Variants in NRL observed in about 807,000 individuals in gnomAD.
NRL encodes neural retina-specific leucine zipper protein.
In NRL, 16 loss-of-function variants were observed where a neutral mutation model predicts 12.5. The ratio of observed to expected loss-of-function variants is 1.28; its 90% confidence interval spans 0.87 to 1.95. NRL has a LOEUF of 1.95. NRL is among the 30% of genes most tolerant of loss of function. The pLI, the probability that NRL is intolerant of heterozygous loss-of-function variation, is 0.00. For missense variants in NRL, 314 were observed against 325.8 expected, an observed-to-expected ratio of 0.96 and a Z score of 0.28; for synonymous variants, 142 against 150.9, an observed-to-expected ratio of 0.94 and a Z score of 0.43.
intron 1 of NRL, among the ~76,000 whole-genome samples, chr14:24,105,761 T>C (rs1381425471): frequency 6.6e-6 from 1 of 152,146 alleles, no homozygotes; most frequent in African/African-American, 2.4e-5. Context: ...TCTACAAAAA[T>C]ACAAAAATTA....
chr14:24,110,337 G>A (rs2037400276), intron 1 of NRL: 2 of 397,624 alleles, frequency 5.0e-6, no homozygotes, highest in Non-Finnish European at 1.0e-5. Flanking sequence ...TCAAATTCCT[G>A]TGGTCAAGCG....
At position 24,094,091 on chromosome 14, in the gene NRL, C is replaced by T. The variant is rs1375056822; in HGVS notation, c.-27-11216G>A. The T allele has an allele frequency of 3.8e-6, 2 of 532,836 alleles. No individual in the cohort carries two copies. Among genetic ancestry groups the T allele is most frequent in the South Asian group, 2.4e-5 (1 of 41,246 alleles). The allele number at this position is 532,836 out of a possible 1,614,324, so 33.0% of individuals were successfully genotyped here. A position where few individuals can be genotyped will look rare whatever the true frequency, so the allele number is the denominator to read the frequency against. ...CGGATGGGGGGCGGGGCCTCGAAGT[C>T]GGGGGCCGAAGAGTGGACCCAGTCC... On this transcript the variant is annotated intron_variant, in intron 1 of 2. Coordinates refer to ENST00000561028, the MANE Select transcript of NRL (RefSeq NM_001354768.3). The surrounding 1 kb of genome is among the most constrained non-coding windows in gnomAD (Gnocchi z 4.1).
chr14:24,095,368 AACAG>A, intron 1 of NRL: 1 of 400,312 alleles, frequency 2.5e-6, no homozygotes, highest in South Asian at 1.8e-5. Flanking sequence ...CTGAGGCAGG[AACAG>A]ACCCAGGTCC....
Position 24,094,475 on chromosome 14 carries a change from T to C in NRL, c.-27-11600A>G. Reference sequence around the variant, plus strand: ...CCCGGGGCCCACCCGCACCTTCCGCTGCGCTCGCCCCCTCGGGGCTGCCAG... The same window carrying C: ...CCCGGGGCCCACCCGCACCTTCCGCCGCGCTCGCCCCCTCGGGGCTGCCAG... On this transcript the variant is annotated intron_variant, in intron 1 of 2. Transcript: ENST00000561028. The surrounding 1 kb of genome is among the most constrained non-coding windows in gnomAD (Gnocchi z 4.1). 1 of 1,498,070 alleles carries C rather than the reference T, an allele frequency of 6.7e-7. No individual in the cohort carries two copies. Among genetic ancestry groups the C allele is most frequent in the African/African-American group, 1.4e-5 (1 of 70,100 alleles). 92.8% of individuals were successfully genotyped at this position (1,498,070 alleles called of 1,614,324 possible).
rs944404119 is a variant in NRL, at chr14:24,099,224, A to G, written c.-28+15498T>C. 1.4e-5 allele frequency: 23 copies of G among 1,595,444 alleles called. 1 individual carries two copies. In the African/African-American group the frequency reaches 1.7e-4, roughly 12 times the overall value. On this transcript the variant is annotated intron_variant, in intron 1 of 2. Coordinates refer to ENST00000561028, the MANE Select transcript of NRL (RefSeq NM_001354768.3). Reference sequence around the variant, plus strand: ...TGGCCCGGGATGAGGGCTGGCTGGCAGAGCACATGCTGGTGAGGGCCTGGT... The same window carrying G: ...TGGCCCGGGATGAGGGCTGGCTGGCGGAGCACATGCTGGTGAGGGCCTGGT...
chr14:24,107,808 G>GAC (rs1179668076), intron 1 of NRL, among the ~76,000 whole-genome samples: 1 of 152,128 alleles, frequency 6.6e-6, no homozygotes, highest in Non-Finnish European at 1.5e-5. Context: ...TTATAAAATG[G>GAC]ACACTTCTAT....
At chr14:24,090,904 T>G (rs1457530652) in intron 1 of NRL, among the ~76,000 whole-genome samples, 1 of 152,212 alleles carries the variant, frequency 6.6e-6, no homozygotes, top group African/African-American at 2.4e-5. Context: ...ACTCATTCAT[T>G]CTTTTATTCA....
chr14:24,086,274 C>A (rs1001432902), intron 1 of NRL, among the ~76,000 whole-genome samples: 2 of 152,182 alleles, frequency 1.3e-5, no homozygotes, highest in Non-Finnish European at 2.9e-5. Flanking sequence ...CTGCAGTCTA[C>A]CCAGCTTCCC....
In NRL at chr14:24,082,785, C is replaced by T; in HGVS notation, c.64G>A (p.Glu22Lys). 6.2e-7 allele frequency: 1 copy of T among 1,614,178 alleles called. No individual in the cohort carries two copies. The highest frequency in any genetic ancestry group is 1.1e-5 in the South Asian group (1 of 91,080). ...YVNDFDLMKFEVKREPSEGRP... is the reference protein window; with the variant it reads ...YVNDFDLMKFKVKREPSEGRP... Reference sequence around the variant, plus strand: ...CCCTCAGAGGGTTCCCGCTTTACCTCAAACTTCATCAAGTCAAAGTCATTG... The same window carrying T: ...CCCTCAGAGGGTTCCCGCTTTACCTTAAACTTCATCAAGTCAAAGTCATTG... Residue 22 changes from glutamate to lysine, a missense_variant, in exon 2 of 3, where the codon GAG becomes AAG. Transcript: ENST00000561028.
At position 24,098,523 on chromosome 14, in the gene NRL, C is replaced by T. The variant is rs775144169; in HGVS notation, c.-27-15648G>A. The T allele has an allele frequency of 2.7e-5, 43 of 1,614,004 alleles. No homozygotes were observed. Among genetic ancestry groups the T allele is most frequent in the Middle Eastern group, 3.3e-4 (2 of 6,084 alleles). ...TTCAGCATGGGTCCTGTGGGCTCCC[C>T]GCTGTCCCGCATCGGGGTGCAGCTC... On this transcript the variant is annotated intron_variant, in intron 1 of 2. Coordinates refer to ENST00000561028, the MANE Select transcript of NRL (RefSeq NM_001354768.3).
At chr14:24,097,288 C>A in intron 1 of NRL, 1 of 736,312 alleles carries the variant, frequency 1.4e-6, no homozygotes, top group Non-Finnish European at 2.2e-6. Context: ...GATTTGCTTA[C>A]GCCTATAATC....
At chr14:24,098,891 A>T (rs187144174) in intron 1 of NRL, among the ~76,000 whole-genome samples, 1 of 152,328 alleles carries the variant, frequency 6.6e-6, no homozygotes, top group Non-Finnish European at 1.5e-5. Flanking sequence ...GAATAGGGGC[A>T]TGGAAGCTGA....
chr14:24,082,578 TCAGCCCCAATGCCTCCC>T lies in NRL; in HGVS notation c.254_270del (p.Gly85GlufsTer3), dbSNP rs1467204253. 2.5e-6 allele frequency: 4 copies of T among 1,613,702 alleles called. No individual in the cohort carries two copies. The highest frequency in any genetic ancestry group is 3.4e-6 in the Non-Finnish European group (4 of 1,180,008). On this transcript the variant is annotated frameshift_variant, in exon 2 of 3. Coordinates refer to ENST00000561028, the MANE Select transcript of NRL (RefSeq NM_001354768.3). LOFTEE classifies it high-confidence loss of function. ...AGCAGCTCCATGGCCTCTTCAGGACTCAGCCCCAATGCCTCCCCAGCCCCCAGCTGCTGCTGCAGGGT... is the reference window on the plus strand; with the variant it reads ...AGCAGCTCCATGGCCTCTTCAGGACTCAGCCCCCAGCTGCTGCTGCAGGGT...
In NRL at chr14:24,081,390, A is replaced by G. The variant is rs1160961116; in HGVS notation, c.560T>C (p.Leu187Pro). The G allele has an allele frequency of 2.7e-6, 4 of 1,476,256 alleles. No homozygotes were observed. Among genetic ancestry groups the G allele is most frequent in the African/African-American group, 1.5e-5 (1 of 67,898 alleles). The allele number at this position is 1,476,256 out of a possible 1,614,324, so 91.4% of individuals were successfully genotyped here. ...GGCCAGGCGGGCGCGCTCGGCCTCC[A>G]GCCCGCGCCGCTGCTGCAGCCGCTT... Reference protein sequence around the residue: ...RSKRLQQRRGLEAERARLAAQ... With the variant: ...RSKRLQQRRGPEAERARLAAQ... Residue 187 changes from leucine (L) to proline (P), a missense_variant, in exon 3 of 3, where the codon CTG (leucine) becomes CCG (proline). Physicochemically the swap from Leu to Pro is moderately conservative, Grantham distance 98. Coordinates refer to ENST00000561028, the MANE Select transcript of NRL (RefSeq NM_001354768.3). This position sits in a 1 kb window ranked among gnomAD's most constrained non-coding sequence, Gnocchi z 4.4.
Position 24,097,161 on chromosome 14 carries a change from G to T in NRL, c.-27-14286C>A, listed in dbSNP as rs1221554666. On this transcript the variant is annotated intron_variant, in intron 1 of 2. Transcript: ENST00000561028. ...TGGTAAGCCTTGGGCTCCACAACCT[G>T]CAGGATAGGTGCACTGAGGCCACTT... 1.9e-6 allele frequency: 3 copies of T among 1,610,312 alleles called. 1 individual carries two copies. The South Asian group carries it at 3.3e-5, about 18-fold the overall frequency.
chr14:24,091,118 C>CGTGTGT (rs2036615963), intron 1 of NRL, among the ~76,000 whole-genome samples: 2 of 119,878 alleles, frequency 1.7e-5, no homozygotes, highest in East Asian at 4.9e-4. Context: ...ACAGAAAAGG[C>CGTGTGT]CTGTGTGTGT....
intron 1 of NRL, among the ~76,000 whole-genome samples, chr14:24,091,032 G>C (rs1412066928): frequency 1.3e-5 from 2 of 151,972 alleles, no homozygotes; most frequent in Non-Finnish European, 2.9e-5. Flanking sequence ...CTACAGTATA[G>C]TAAAGTACAA....
At chr14:24,100,066 C>A (rs1191392336) in intron 1 of NRL, 1 of 1,613,010 alleles carries the variant, frequency 6.2e-7, no homozygotes, top group Non-Finnish European at 8.5e-7. Context: ...CACCACCAAT[C>A]CCAACGCCAT....
intron 1 of NRL, among the ~76,000 whole-genome samples, chr14:24,101,751 G>A (rs2037169669): frequency 6.6e-6 from 1 of 151,726 alleles, no homozygotes; most frequent in East Asian, 1.9e-4. Flanking sequence ...GCAAAACCCC[G>A]TCTCCAATAA....
Sources: gnomAD v4.1 joint callset for allele counts (sites outside exome capture counted in the v4.1 genomes callset) on GRCh38, gnomAD v4.1.1 for gene constraint, Gnocchi (gnomAD v3.1) non-coding constraint, MANE v1.5 for transcripts, NCBI Gene and HGNC (gene_info 2026-07-23, HGNC 2026-07-21) for gene names.